Variants in KCNK2 observed in about 807,000 individuals in gnomAD.
KCNK2 encodes potassium two pore domain channel subfamily K member 2, also known as potassium channel subfamily K member 2.
Under a neutral mutation model 40.5 loss-of-function variants are expected in KCNK2, and 21 were observed. That is an observed-to-expected ratio of 0.52 (90% CI 0.37 to 0.75). The LOEUF (loss-of-function observed/expected upper bound fraction) is 0.75, where lower values mean the gene tolerates loss of function less well. Among genes scored for constraint, KCNK2 ranks in the 30% least tolerant of loss-of-function variants. The probability of loss-of-function intolerance (pLI) is 0.00; values close to 1 mark genes in which losing one functional copy is unlikely to be tolerated. For missense variants in KCNK2, 399 were observed against 531.6 expected, an observed-to-expected ratio of 0.75 and a Z score of 2.45; for synonymous variants, 191 against 202.2, an observed-to-expected ratio of 0.94 and a Z score of 0.47.
At position 215,083,201 on chromosome 1, in the gene KCNK2, C is replaced by G. The variant is rs1041153417; in HGVS notation, c.-185C>G. The stretch of plus-strand genomic sequence containing the variant: ...TTTCGTTTCTTCTCACGCTCCCCCC[C>G]CCGCCCCCTCCCGCGTCCAGCCCCG... On this transcript the variant is annotated 5_prime_UTR_variant, in exon 1 of 7. Transcript: ENST00000444842. The G allele has an allele frequency of 1.0e-4, 77 of 753,782 alleles. 2 individuals carry two copies. Among genetic ancestry groups the G allele is most frequent in the Non-Finnish European group, 1.3e-4 (64 of 479,626 alleles). 46.7% of individuals were successfully genotyped at this position (753,782 alleles called of 1,614,324 possible).
chr1:215,209,055 G>C (rs939625373), intron 6 of KCNK2, among the ~76,000 whole-genome samples: 7 of 151,368 alleles, frequency 4.6e-5, no homozygotes, highest in African/African-American at 1.7e-4. Context: ...TCAAACTCCT[G>C]ACCTCAAGCG....
chr1:215,030,058 C>T (rs1381630394), intron 1 of KCNK2, among the ~76,000 whole-genome samples: 1 of 152,202 alleles, frequency 6.6e-6, no homozygotes, highest in Non-Finnish European at 1.5e-5. Flanking sequence ...TATTCCACAT[C>T]CTTGCCAGCA....
intron 1 of KCNK2, among the ~76,000 whole-genome samples, chr1:215,021,739 G>A (rs1003759129): frequency 4.0e-5 from 6 of 151,800 alleles, no homozygotes; most frequent in African/African-American, 1.5e-4. Flanking sequence ...TAGTAGAGAC[G>A]GGGTTTCACC....
In KCNK2 at chr1:215,143,908, C is replaced by A. The variant is rs1477022212; in HGVS notation, c.475+19158C>A. On this transcript the variant is annotated intron_variant, in intron 3 of 6. Transcript: ENST00000444842. ...TGTTGCCTTTGGAAAACACTTTCTACAAGTAAAAATCGTCACCTTTGGAAA... is the reference window on the plus strand; with the variant it reads ...TGTTGCCTTTGGAAAACACTTTCTAAAAGTAAAAATCGTCACCTTTGGAAA... Among the ~76,000 whole-genome samples the A allele has an allele frequency of 2.6e-5, 4 of 152,110 alleles. No individual in the cohort carries two copies. The East Asian group carries it at 7.7e-4, about 29-fold the overall frequency.
At chr1:215,012,955 G>A (rs941785580) in intron 1 of KCNK2, among the ~76,000 whole-genome samples, 2 of 151,802 alleles carry the variant, frequency 1.3e-5, no homozygotes, top group South Asian at 2.1e-4. Flanking sequence ...TTCCTAATTC[G>A]AATTTATGAA....
chr1:215,026,909 G>T (rs949660419), intron 1 of KCNK2, among the ~76,000 whole-genome samples: 1 of 152,022 alleles, frequency 6.6e-6, no homozygotes, highest in East Asian at 1.9e-4. Context: ...TGAAAACAGG[G>T]CATGTAATTT....
chr1:215,188,238 T>C (rs1664529855), intron 5 of KCNK2, among the ~76,000 whole-genome samples: 1 of 152,200 alleles, frequency 6.6e-6, no homozygotes, highest in Non-Finnish European at 1.5e-5. Flanking sequence ...CTTAGTACCC[T>C]GTGCTCCCTC....
At chr1:215,233,706 G>A (rs1666766650) in intron 6 of KCNK2, among the ~76,000 whole-genome samples, 1 of 152,174 alleles carries the variant, frequency 6.6e-6, no homozygotes, top group South Asian at 2.1e-4. Flanking sequence ...GGTCACTTAA[G>A]AAATGAGTTC....
At chr1:215,022,136 T>TATCTAATC (rs1553255823) in intron 1 of KCNK2, among the ~76,000 whole-genome samples, 66,364 of 151,026 alleles carry the variant, frequency 0.44, 16,258 homozygotes, top group Non-Finnish European at 0.55. Context: ...TCTAATCATC[T>TATCTAATC]ATCTATCTAA....
chr1:215,062,648 A>C (rs1486508295), intron 1 of KCNK2, among the ~76,000 whole-genome samples: 1 of 151,514 alleles, frequency 6.6e-6, no homozygotes, highest in Non-Finnish European at 1.5e-5. Context: ...TATGATAATT[A>C]GATGTGGGAT....
In KCNK2 at chr1:215,011,523, A is replaced by G. The variant is rs566234435; in HGVS notation, c.34+5568A>G. 4.4e-4 allele frequency among the ~76,000 whole-genome samples: 67 copies of G among 152,180 alleles called. 2 individuals carry two copies. The East Asian group carries it at 0.012, about 27-fold the overall frequency. On this transcript the variant is annotated intron_variant, in intron 1 of 6. Coordinates refer to the KCNK2 transcript ENST00000391895. ...TGCCAGGCTGGTCTCAAACTCCAGG[A>G]CTCAAGAATCTACCTGCCTCAGCCT... is the stretch of plus-strand genomic sequence containing the variant.
intron 1 of KCNK2, among the ~76,000 whole-genome samples, chr1:215,076,248 A>T (rs1353454662): frequency 1.3e-5 from 2 of 152,224 alleles, no homozygotes; most frequent in Non-Finnish European, 2.9e-5. Flanking sequence ...GCTTGGAATC[A>T]GACTCTTAGA....
At chr1:215,175,485 T>A (rs969123027) in intron 5 of KCNK2, among the ~76,000 whole-genome samples, 1 of 152,170 alleles carries the variant, frequency 6.6e-6, no homozygotes, top group African/African-American at 2.4e-5. Flanking sequence ...TATTTTGATT[T>A]TTTTCTTAAA....
At position 215,115,226 on chromosome 1, in the gene KCNK2, A is replaced by G. The variant is rs994588918; in HGVS notation, c.358-9407A>G. ...TGCCTGTGATTACCTTTATATAGGTACAAAACACTTTCTTTTTGTTTAAAC... is the reference window on the plus strand; with the variant it reads ...TGCCTGTGATTACCTTTATATAGGTGCAAAACACTTTCTTTTTGTTTAAAC... On this transcript the variant is annotated intron_variant, in intron 2 of 6. Coordinates refer to ENST00000444842, the MANE Select transcript of KCNK2 (RefSeq NM_001017425.3). Among the ~76,000 whole-genome samples, 6 of 152,084 alleles carry G rather than the reference A, an allele frequency of 3.9e-5. No homozygotes were observed. In the East Asian group the frequency reaches 9.6e-4, roughly 24 times the overall value.
At chr1:215,138,393 T>C (rs1571655077) in intron 3 of KCNK2, among the ~76,000 whole-genome samples, 2 of 152,228 alleles carry the variant, frequency 1.3e-5, no homozygotes, top group East Asian at 1.9e-4. Flanking sequence ...GGGAAAAATT[T>C]CAAGAAAATG....
chr1:215,162,926 C>T (rs576725016), intron 3 of KCNK2, among the ~76,000 whole-genome samples: 20 of 150,586 alleles, frequency 1.3e-4, no homozygotes, highest in Middle Eastern at 6.8e-3. Context: ...TTTTTGGTTT[C>T]ATATGAAATT....
At chr1:215,176,527 C>T (rs1481754394) in intron 5 of KCNK2, among the ~76,000 whole-genome samples, 1 of 152,038 alleles carries the variant, frequency 6.6e-6, no homozygotes, top group Non-Finnish European at 1.5e-5. Context: ...GTGTGTTGTT[C>T]CCCCAATGTG....
At chr1:215,124,164 G>A (rs1661317106) in intron 2 of KCNK2, among the ~76,000 whole-genome samples, 1 of 152,076 alleles carries the variant, frequency 6.6e-6, no homozygotes, top group Non-Finnish European at 1.5e-5. Context: ...TATAGGCTTG[G>A]TACAGTTATA....
At chr1:215,148,171 A>G (rs1007669766) in intron 3 of KCNK2, among the ~76,000 whole-genome samples, 1 of 139,752 alleles carries the variant, frequency 7.2e-6, no homozygotes, top group African/African-American at 2.7e-5. Context: ...CCTCAACTTC[A>G]TGAGCTCAAG....
Sources: gnomAD v4.1 joint callset for allele counts (sites outside exome capture counted in the v4.1 genomes callset) on GRCh38, gnomAD v4.1.1 for gene constraint, MANE v1.5 for transcripts, NCBI Gene and HGNC (gene_info 2026-07-23, HGNC 2026-07-21) for gene names.